Variants in C5orf63 observed in about 807,000 individuals in gnomAD.
C5orf63 encodes glutaredoxin-like protein C5orf63.
C5orf63 carries 18 observed loss-of-function variants against 13.3 expected under a neutral mutation model. That is an observed-to-expected ratio of 1.36 (90% CI 0.94 to 2.01). The LOEUF is 2.01. Among genes scored for constraint, C5orf63 ranks in the 30% most tolerant of loss-of-function variants. The pLI, the probability that C5orf63 is intolerant of heterozygous loss-of-function variation, is 0.00. For synonymous variants in C5orf63, 38 were observed against 44.7 expected, an observed-to-expected ratio of 0.85 and a Z score of 0.60; for missense variants, 118 against 127.7, an observed-to-expected ratio of 0.92 and a Z score of 0.36.
chr5:127,045,212 T>A (rs932819721), downstream of C5orf63: 2 of 152,224 alleles, frequency 1.3e-5, no homozygotes, highest in African/African-American at 4.8e-5. Context: ...TATCACAAAC[T>A]TGGCTTAAAA....
At chr5:127,062,577 AT>A (rs1217017480) in intron 2 of C5orf63, among the ~76,000 whole-genome samples, 2 of 152,232 alleles carry the variant, frequency 1.3e-5, no homozygotes, top group Non-Finnish European at 2.9e-5. Context: ...AAAGAAAAAA[AT>A]AAAATGAAAA....
At chr5:127,059,441 A>G (rs1045734441) in intron 2 of C5orf63, among the ~76,000 whole-genome samples, 4 of 152,168 alleles carry the variant, frequency 2.6e-5, no homozygotes, top group African/African-American at 7.2e-5. Context: ...AAAGAAAACA[A>G]TGAGGGCCAG....
At chr5:127,072,773 T>A (rs1411739618) in intron 1 of C5orf63, among the ~76,000 whole-genome samples, 1 of 152,226 alleles carries the variant, frequency 6.6e-6, no homozygotes, top group Non-Finnish European at 1.5e-5. Context: ...TAACTCACAA[T>A]GACATTTTAG....
chr5:127,051,259 TA>T (rs2126880768), downstream of C5orf63: 1 of 1,171,362 alleles, frequency 8.5e-7, no homozygotes, highest in African/African-American at 1.6e-5. Context: ...ACTCTAATTT[TA>T]AACAGGTATT....
downstream of C5orf63, chr5:127,047,728 T>C (rs1445342704): frequency 5.7e-6 from 4 of 703,864 alleles, no homozygotes; most frequent in Middle Eastern, 2.3e-4. Flanking sequence ...TCTCAGGCAA[T>C]AGAATGCCCC....
chr5:127,067,103 A>G (rs541051192), intron 2 of C5orf63, among the ~76,000 whole-genome samples: 1 of 152,306 alleles, frequency 6.6e-6, no homozygotes, highest in African/African-American at 2.4e-5. Context: ...AGTGGTTCTT[A>G]CCCAATTTAA....
At chr5:127,061,116 C>G (rs1233690778) in intron 2 of C5orf63, among the ~76,000 whole-genome samples, 1 of 152,138 alleles carries the variant, frequency 6.6e-6, no homozygotes, top group Non-Finnish European at 1.5e-5. Context: ...TATATAATAA[C>G]TAAAGATCAG....
chr5:127,064,155 C>T (rs974535797), intron 2 of C5orf63, among the ~76,000 whole-genome samples: 3 of 152,202 alleles, frequency 2.0e-5, no homozygotes, highest in East Asian at 3.9e-4. Context: ...AAATGACTCT[C>T]GTGGAGCCAA....
In C5orf63 at chr5:127,062,888, C is replaced by T. The variant is rs531913124; in HGVS notation, c.-7-3886G>A. On this transcript the variant is annotated intron_variant, in intron 2 of 4. Coordinates refer to ENST00000296662, the MANE Select transcript of C5orf63 (RefSeq NM_001164478.2). ...TTTAGTCATGAAATATGTGTCCTTA[C>T]TACACACACAGACATGATTTTATCC... is the stretch of plus-strand genomic sequence containing the variant. Among the ~76,000 whole-genome samples the T allele has an allele frequency of 3.9e-5, 6 of 152,182 alleles. No individual in the cohort carries two copies. In the East Asian group the frequency reaches 1.2e-3, roughly 29 times the overall value.
chr5:127,055,128 T>C (rs1299608267), intron 3 of C5orf63, among the ~76,000 whole-genome samples: 1 of 152,220 alleles, frequency 6.6e-6, no homozygotes, highest in Non-Finnish European at 1.5e-5. Context: ...CATGCTGTTT[T>C]GGTTACTGTA....
downstream of C5orf63, chr5:127,047,564 T>A: frequency 1.6e-6 from 1 of 607,738 alleles, no homozygotes; most frequent in Non-Finnish European, 2.9e-6. Flanking sequence ...GAGCTATAGG[T>A]TAAAACCAAC....
At chr5:127,045,158 C>T (rs1440796464), downstream of C5orf63, 1 of 152,164 alleles carries the variant, frequency 6.6e-6, no homozygotes, top group East Asian at 1.9e-4. Flanking sequence ...TCAATAAGGT[C>T]AAGGAAACAT....
chr5:127,068,236 T>C (rs1026131243), intron 2 of C5orf63, among the ~76,000 whole-genome samples: 12 of 152,262 alleles, frequency 7.9e-5, no homozygotes, highest in African/African-American at 2.9e-4. Context: ...ACAAATGCCA[T>C]GGGAATAGTC....
intron 2 of C5orf63, among the ~76,000 whole-genome samples, chr5:127,064,874 G>A (rs1399491158): frequency 1.3e-5 from 2 of 152,188 alleles, no homozygotes; most frequent in Admixed American, 1.3e-4. Flanking sequence ...TATTTGAAGT[G>A]TGGGCCTTGC....
At chr5:127,047,421 G>A (rs1753542890), downstream of C5orf63, 2 of 363,332 alleles carry the variant, frequency 5.5e-6, no homozygotes, top group East Asian at 9.3e-5. Flanking sequence ...CCTTTTAGAT[G>A]CCATGTTTGT....
downstream of C5orf63, among the ~76,000 whole-genome samples, chr5:127,048,140 C>T (rs754699114): frequency 5.9e-5 from 9 of 152,056 alleles, no homozygotes; most frequent in Admixed American, 1.3e-4. Flanking sequence ...CTCAGCCCCT[C>T]GGAACCCAGT....
intron 2 of C5orf63, among the ~76,000 whole-genome samples, chr5:127,070,725 T>G (rs901558168): frequency 6.6e-6 from 1 of 152,156 alleles, no homozygotes; most frequent in Non-Finnish European, 1.5e-5. Flanking sequence ...AAACAGATAC[T>G]CTTCAAATAT....
intron 3 of C5orf63, among the ~76,000 whole-genome samples, chr5:127,053,593 C>T (rs1190196429): frequency 6.6e-6 from 1 of 152,140 alleles, no homozygotes; most frequent in Admixed American, 6.5e-5. Context: ...CTCCCCGCAC[C>T]CCACGACAGG....
In C5orf63 at chr5:127,059,783, A is replaced by G. The variant is rs536242527; in HGVS notation, c.-7-781T>C. Among the ~76,000 whole-genome samples the G allele has an allele frequency of 3.9e-5, 6 of 152,172 alleles. No homozygotes were observed. In the South Asian group the frequency reaches 8.3e-4, roughly 21 times the overall value. Reference sequence around the variant, plus strand: ...AACAATGGGTAAGCAGCTAAGCAGCATAAGTCCCCAGGTAAAGGTTCAGAC... The same window carrying G: ...AACAATGGGTAAGCAGCTAAGCAGCGTAAGTCCCCAGGTAAAGGTTCAGAC... On this transcript the variant is annotated intron_variant, in intron 2 of 4. Transcript: ENST00000296662.
Sources: allele counts gnomAD v4.1 joint callset (sites outside exome capture counted in the v4.1 genomes callset), GRCh38; gene constraint gnomAD v4.1.1; transcripts MANE v1.5; gene names NCBI Gene and HGNC (gene_info 2026-07-23, HGNC 2026-07-21).